Variants in UBE3D observed in about 807,000 individuals in gnomAD.
The protein encoded by UBE3D is ubiquitin protein ligase E3D, also known as E3 ubiquitin-protein ligase E3D.
UBE3D carries 48 observed loss-of-function variants against 49.6 expected under a neutral mutation model. The observed-to-expected ratio is 0.97, with a 90% CI of 0.77 to 1.23. UBE3D has a LOEUF of 1.23. UBE3D is among the 50% of genes most tolerant of loss of function. UBE3D has a pLI of 0.00. For synonymous variants in UBE3D, 189 were observed against 174.2 expected (o/e 1.08, Z -0.67); for missense variants, 452 against 468.4 (o/e 0.96, Z 0.32).
chr6:82,899,941 A>G (rs981799625), intron 9 of UBE3D, among the ~76,000 whole-genome samples: 6 of 152,206 alleles, frequency 3.9e-5, no homozygotes, highest in African/African-American at 1.4e-4. Context: ...AGCACAAAAC[A>G]TTTGTAAGGA....
intron 9 of UBE3D, among the ~76,000 whole-genome samples, chr6:82,921,913 A>G (rs1355223986): frequency 3.3e-5 from 5 of 152,222 alleles, no homozygotes; most frequent in Admixed American, 3.3e-4. Context: ...TGTATAAACA[A>G]ATAAAAGAAA....
chr6:82,968,602 C>T (rs1777119605), intron 8 of UBE3D, among the ~76,000 whole-genome samples: 3 of 152,192 alleles, frequency 2.0e-5, no homozygotes, highest in Admixed American at 6.5e-5. Context: ...GGTGTATATG[C>T]ATTTTTTAAT....
intron 3 of UBE3D, among the ~76,000 whole-genome samples, chr6:83,051,406 G>A (rs1202400329): frequency 1.3e-5 from 2 of 152,120 alleles, no homozygotes; most frequent in Non-Finnish European, 2.9e-5. Flanking sequence ...CAGAAAAAAT[G>A]GGGGCAACAG....
intron 8 of UBE3D, among the ~76,000 whole-genome samples, chr6:82,993,134 G>GAGAC (rs1461791574): frequency 1.1e-4 from 17 of 151,970 alleles, no homozygotes; most frequent in African/African-American, 2.9e-4. Context: ...GAGAGAGAGA[G>GAGAC]AGAGAGACAG....
intron 8 of UBE3D, among the ~76,000 whole-genome samples, chr6:82,963,425 A>G (rs950101869): frequency 6.6e-6 from 1 of 152,110 alleles, no homozygotes; most frequent in African/African-American, 2.4e-5. Context: ...AGACAGATAG[A>G]TATATAGGGA....
At chr6:82,902,983 A>G (rs1327160848) in intron 9 of UBE3D, among the ~76,000 whole-genome samples, 1 of 152,194 alleles carries the variant, frequency 6.6e-6, no homozygotes, top group Non-Finnish European at 1.5e-5. Flanking sequence ...AGCTAGTAAC[A>G]AGACTAGGGG....
intron 8 of UBE3D, among the ~76,000 whole-genome samples, chr6:82,995,838 G>A (rs543699186): frequency 2.0e-4 from 30 of 152,202 alleles, no homozygotes; most frequent in African/African-American, 6.7e-4. Context: ...AGGCCAAGGC[G>A]GGTGGATAAC....
At chr6:83,047,508 T>A (rs1319301612) in intron 3 of UBE3D, among the ~76,000 whole-genome samples, 1 of 152,126 alleles carries the variant, frequency 6.6e-6, no homozygotes, top group African/African-American at 2.4e-5. Flanking sequence ...TGGAACTACG[T>A]CGTGTGGGGA....
At chr6:83,017,869 C>G (rs1013273259) in intron 8 of UBE3D, 2 of 151,742 alleles carry the variant, frequency 1.3e-5, no homozygotes, top group African/African-American at 4.8e-5. Context: ...TAAAAGAAAA[C>G]TGGCTAAATA....
At chr6:83,051,424 AT>A (rs1192330551) in intron 3 of UBE3D, among the ~76,000 whole-genome samples, 1 of 152,152 alleles carries the variant, frequency 6.6e-6, no homozygotes, top group Non-Finnish European at 1.5e-5. Context: ...CAGATAAAAG[AT>A]TTTTCATATT....
chr6:82,944,717 C>T (rs932272980), intron 9 of UBE3D, among the ~76,000 whole-genome samples: 3 of 152,188 alleles, frequency 2.0e-5, no homozygotes, highest in African/African-American at 4.8e-5. Flanking sequence ...CTGTCCTGAG[C>T]CAAAGGGGTG....
intron 8 of UBE3D, among the ~76,000 whole-genome samples, chr6:82,967,525 A>G (rs1161350898): frequency 6.6e-6 from 1 of 152,156 alleles, no homozygotes. Flanking sequence ...TCATCTCTAT[A>G]ATTTTGTTAT....
chr6:82,929,896 T>G (rs1478182313), intron 9 of UBE3D, among the ~76,000 whole-genome samples: 1 of 152,174 alleles, frequency 6.6e-6, no homozygotes, highest in Admixed American at 6.5e-5. Context: ...TGACACATCC[T>G]TATCACCCAA....
At chr6:82,962,981 A>G (rs1776660158) in intron 8 of UBE3D, among the ~76,000 whole-genome samples, 1 of 152,162 alleles carries the variant, frequency 6.6e-6, no homozygotes, top group Non-Finnish European at 1.5e-5. Context: ...CTATTCCCAC[A>G]GTACGTTTTT....
intron 9 of UBE3D, among the ~76,000 whole-genome samples, chr6:82,950,591 C>T (rs1428487617): frequency 6.6e-6 from 1 of 152,132 alleles, no homozygotes; most frequent in African/African-American, 2.4e-5. Flanking sequence ...ATCCAGCAAT[C>T]CCACTCCTAG....
Position 82,896,022 on chromosome 6 carries a change from G to A in UBE3D, c.1150-2980C>T, listed in dbSNP as rs144092585. ...TTGGCTTAATGTCTTCTTTTCATCT[G>A]GTTTTTATAGTTTCATTTGCCGAGC... On this transcript the variant is annotated intron_variant, in intron 9 of 9. Coordinates refer to ENST00000369747, the MANE Select transcript of UBE3D (RefSeq NM_198920.3). Among the ~76,000 whole-genome samples, 345 of 152,222 alleles carry A rather than the reference G, an allele frequency of 2.3e-3. 1 individual carries two copies. Among genetic ancestry groups the A allele is most frequent in the African/African-American group, 7.7e-3 (321 of 41,556 alleles).
chr6:82,909,023 A>T (rs1772308510), intron 9 of UBE3D, among the ~76,000 whole-genome samples: 1 of 152,136 alleles, frequency 6.6e-6, no homozygotes. Flanking sequence ...TGCTCAATTA[A>T]TGCAGTCTGA....
intron 8 of UBE3D, among the ~76,000 whole-genome samples, chr6:82,988,133 T>G (rs1007836740): frequency 6.6e-6 from 1 of 152,184 alleles, no homozygotes; most frequent in Non-Finnish European, 1.5e-5. Context: ...ACTAAGAAGT[T>G]TTCACAAATT....
At chr6:82,938,719 C>T (rs569265706) in intron 9 of UBE3D, 3 of 152,254 alleles carry the variant, frequency 2.0e-5, no homozygotes, top group South Asian at 4.1e-4. Flanking sequence ...TTACAGTTTT[C>T]GTTCTTGAAA....
Sources: allele counts gnomAD v4.1 joint callset (sites outside exome capture counted in the v4.1 genomes callset), GRCh38; gene constraint gnomAD v4.1.1; transcripts MANE v1.5; gene names NCBI Gene and HGNC (gene_info 2026-07-23, HGNC 2026-07-21).